The following SEC13 variants were observed in gnomAD, a reference collection of about 807,000 sequenced individuals.
The protein encoded by SEC13 is SEC13 homolog, nuclear pore and COPII component.
A neutral mutation model predicts 49.2 loss-of-function variants in SEC13; 25 were observed. The observed-to-expected ratio is 0.51, with a 90% CI of 0.37 to 0.71. SEC13 has a LOEUF of 0.71. Ranked by LOEUF, SEC13 falls within the 30% of genes least tolerant of loss-of-function variation. The pLI, the probability that SEC13 is intolerant of heterozygous loss-of-function variation, is 0.00. For synonymous variants in SEC13, 148 were observed against 163.9 expected, an observed-to-expected ratio of 0.90 and a Z score of 0.74; for missense variants, 383 against 417.6, an observed-to-expected ratio of 0.92 and a Z score of 0.72.
intron 6 of SEC13, 43 bp from the exon 7 acceptor site, chr3:10,305,199 C>T (rs765375449): frequency 6.4e-7 from 1 of 1,568,972 alleles, no homozygotes; most frequent in South Asian, 1.2e-5. Flanking sequence ...GGGCCGTTCC[C>T]ACACCTCAAC....
At chr3:10,304,906 G>A (rs907287158) in intron 7 of SEC13, 127 bp downstream of exon 7, 1 of 1,402,590 alleles carries the variant, frequency 7.1e-7, no homozygotes, top group Non-Finnish European at 9.9e-7. Context: ...GACTCCCTGT[G>A]CTCTGGGCCA....
chr3:10,320,454 T>C (rs2059755946), intron 1 of SEC13: 1 of 936,616 alleles, frequency 1.1e-6, no homozygotes, highest in African/African-American at 1.8e-5. Flanking sequence ...CCTGAGCCCC[T>C]GCCTTCGGAG....
intron 1 of SEC13, among the ~76,000 whole-genome samples, chr3:10,319,553 C>T (rs1166810312): frequency 6.6e-6 from 1 of 152,014 alleles, no homozygotes; most frequent in African/African-American, 2.4e-5. Context: ...AATGCTGAGT[C>T]CACAAAACTT....
At position 10,321,100 on chromosome 3, in the gene SEC13, G is replaced by A. The variant is rs769588170; in HGVS notation, c.-48C>T. 2 of 1,612,068 alleles carry A rather than the reference G, an allele frequency of 1.2e-6. No individual in the cohort carries two copies. Among genetic ancestry groups the A allele is most frequent in the Non-Finnish European group, 1.7e-6 (2 of 1,179,444 alleles). ...GGTCTCGGACGTGGCAGCTCCCGGC[G>A]GCGCCTCGGAACAGCTCACTTCCGG... is the stretch of plus-strand genomic sequence containing the variant. On this transcript the variant is annotated 5_prime_UTR_variant, in exon 1 of 9. Coordinates refer to ENST00000350697, the MANE Select transcript of SEC13 (RefSeq NM_183352.3). This position sits in a 1 kb window ranked among gnomAD's most constrained non-coding sequence, Gnocchi z 4.1.
chr3:10,308,933 ATTTTTTTT>A (rs56801249), intron 5 of SEC13, among the ~76,000 whole-genome samples: 30 of 102,340 alleles, frequency 2.9e-4, no homozygotes, highest in South Asian at 3.6e-4. Flanking sequence ...CCTGGCCTTG[ATTTTTTTT>A]TTTTTTTTTT....
rs751492876 is a variant in SEC13 at position 10,304,164 on chromosome 3, A to C, written c.717T>G (p.Arg239=). Residue 239 remains arginine (R), a synonymous_variant, in exon 8 of 9, where the codon CGT becomes CGG. Coordinates refer to ENST00000350697, the MANE Select transcript of SEC13 (RefSeq NM_183352.3). ...CATCATCACAGGTCCAAATGAACAC[A>C]CGACCATCCTAGGAAGAAACAGGAT... ...STIASCSQDG[R]VFIWTCDDAS... 6.2e-7 allele frequency: 1 copy of C among 1,613,956 alleles called. No homozygotes were observed. Among genetic ancestry groups the C allele is most frequent in the South Asian group, 1.1e-5 (1 of 91,082 alleles).
chr3:10,303,156 AAAGGT>A (rs1240792209), intron 8 of SEC13, among the ~76,000 whole-genome samples: 4 of 152,206 alleles, frequency 2.6e-5, no homozygotes, highest in Admixed American at 2.6e-4. Flanking sequence ...CACACAAATG[AAAGGT>A]AAGACATGGA....
intron 5 of SEC13, among the ~76,000 whole-genome samples, chr3:10,311,072 G>A (rs539407528): frequency 6.6e-6 from 1 of 151,610 alleles, no homozygotes; most frequent in African/African-American, 2.4e-5. Flanking sequence ...CTGCCTGTGT[G>A]GAGTCTGTGT....
At position 10,301,269 on chromosome 3, in the gene SEC13, C is replaced by T. The variant is rs2125235280; in HGVS notation, c.961G>A (p.Glu321Lys). The T allele has an allele frequency of 3.1e-6, 5 of 1,614,138 alleles. No individual in the cohort carries two copies. The highest frequency in any genetic ancestry group is 3.4e-6 in the Non-Finnish European group (4 of 1,180,024). The change falls in exon 9 of 9, where the codon GAG (glutamate) becomes AAG (lysine). Residue 321 changes from glutamate to lysine, a missense_variant. Transcript: ENST00000350697. ...SASVTEGQQN[E>K]Q ...AGGCCCCACCTGTCTTGTCACTGCT[C>T]GTTCTGCTGGCCCTCTGTCACTGAT...
chr3:10,303,040 G>A (rs1281674840), intron 8 of SEC13, among the ~76,000 whole-genome samples: 1 of 152,214 alleles, frequency 6.6e-6, no homozygotes, highest in Non-Finnish European at 1.5e-5. Context: ...GAGGGGCAAT[G>A]GGGAAGGGAG....
intron 5 of SEC13, 22 bp downstream of exon 5, chr3:10,311,943 G>A (rs1308396755): frequency 9.3e-6 from 15 of 1,614,004 alleles, no homozygotes; most frequent in East Asian, 6.7e-5. Context: ...CTCACTGCAC[G>A]AAAGGCAGGG....
intron 2 of SEC13, among the ~76,000 whole-genome samples, chr3:10,317,367 G>T (rs897581974): frequency 7.9e-5 from 12 of 152,232 alleles, no homozygotes; most frequent in African/African-American, 2.9e-4. Flanking sequence ...CAAGAACCCT[G>T]ACATGAAACA....
chr3:10,301,720 G>C (rs1461618361), intron 8 of SEC13, among the ~76,000 whole-genome samples: 2 of 152,160 alleles, frequency 1.3e-5, no homozygotes, highest in African/African-American at 4.8e-5. Flanking sequence ...CTGGGAGCTT[G>C]CTACAACTGC....
At chr3:10,319,864 C>CGGGAGAGAAA (rs1553639033) in intron 1 of SEC13, among the ~76,000 whole-genome samples, 4 of 37,900 alleles carry the variant, frequency 1.1e-4, no homozygotes, top group East Asian at 1.5e-3. Flanking sequence ...GGAGGAAGGG[C>CGGGAGAGAAA]GGGAGAGAAA....
chr3:10,304,529 G>A (rs1284517456), intron 7 of SEC13, among the ~76,000 whole-genome samples: 2 of 152,106 alleles, frequency 1.3e-5, no homozygotes, highest in Non-Finnish European at 2.9e-5. Flanking sequence ...GAATGAGAAG[G>A]CACAAGTAAA....
chr3:10,318,806 A>G (rs1444295439), intron 1 of SEC13, among the ~76,000 whole-genome samples: 1 of 152,072 alleles, frequency 6.6e-6, no homozygotes, highest in Non-Finnish European at 1.5e-5. Context: ...GCCATCCATC[A>G]CCTTTCTTGA....
chr3:10,312,130 G>T, intron 4 of SEC13, 32 bp from the exon 5 acceptor site: 2 of 1,561,798 alleles, frequency 1.3e-6, no homozygotes, highest in Non-Finnish European at 8.7e-7. Flanking sequence ...AGTGAGCAAA[G>T]CAGGGAGACC....
Position 10,300,947 on chromosome 3 carries a change from T to TTTA in SEC13, c.*311_*313dup. On this transcript the variant is annotated 3_prime_UTR_variant, in exon 9 of 9. Transcript: ENST00000350697. ...CAGCAGGAATTATAAGCAATATGAC[T>TTTA]TTATTTAGTTCCTTTGGAAACAAAA... 2.3e-6 allele frequency: 2 copies of TTTA among 865,378 alleles called. No individual in the cohort carries two copies. Among genetic ancestry groups the TTTA allele is most frequent in the East Asian group, 5.3e-5 (2 of 37,702 alleles). 53.6% of individuals were successfully genotyped at this position (865,378 alleles called of 1,614,324 possible). A position where few individuals can be genotyped will look rare whatever the true frequency, so the allele number is the denominator to read the frequency against.
At chr3:10,306,319 TTCCTCTGA>T (rs1700874361) in intron 5 of SEC13, among the ~76,000 whole-genome samples, 1 of 152,216 alleles carries the variant, frequency 6.6e-6, no homozygotes, top group Non-Finnish European at 1.5e-5. Context: ...GTTCAATATG[TTCCTCTGA>T]ATTCCTGAAA....
Sources: gnomAD v4.1 joint callset for allele counts (sites outside exome capture counted in the v4.1 genomes callset) on GRCh38, gnomAD v4.1.1 for gene constraint, Gnocchi (gnomAD v3.1) non-coding constraint, MANE v1.5 for transcripts, NCBI Gene and HGNC (gene_info 2026-07-23, HGNC 2026-07-21) for gene names.